Variants in PPP2R3A observed in about 807,000 individuals in gnomAD.
PPP2R3A encodes the protein serine/threonine-protein phosphatase 2A regulatory subunit B'' subunit alpha.
Under a neutral mutation model 106.9 loss-of-function variants are expected in PPP2R3A, and 80 were observed. The ratio of observed to expected loss-of-function variants is 0.75; its 90% confidence interval spans 0.62 to 0.90. The LOEUF is 0.90. PPP2R3A is among the 40% of genes least tolerant of loss of function. The probability of loss-of-function intolerance (pLI) is 0.00; values close to 1 mark genes in which losing one functional copy is unlikely to be tolerated. For synonymous variants in PPP2R3A, 483 were observed against 468.3 expected, an observed-to-expected ratio of 1.03 and a Z score of -0.41; for missense variants, 1,386 against 1,350.4, an observed-to-expected ratio of 1.03 and a Z score of -0.41.
At chr3:135,979,310 C>A (rs909899589) in intron 1 of PPP2R3A, among the ~76,000 whole-genome samples, 1 of 150,746 alleles carries the variant, frequency 6.6e-6, no homozygotes, top group Non-Finnish European at 1.5e-5. Flanking sequence ...ACTCAGGAGG[C>A]GGAGGTTGCG....
chr3:136,104,151 A>T, intron 12 of PPP2R3A, among the ~76,000 whole-genome samples: 1 of 152,198 alleles, frequency 6.6e-6, no homozygotes, highest in East Asian at 1.9e-4. Context: ...ATCACCTTCT[A>T]AATAAGATAA....
chr3:136,064,954 C>A (rs111862778), intron 5 of PPP2R3A, among the ~76,000 whole-genome samples: 1 of 151,654 alleles, frequency 6.6e-6, no homozygotes. Context: ...GGTTGTAGAA[C>A]AGTATGAAAA....
chr3:136,101,883 T>G lies in PPP2R3A; in HGVS notation c.2928-124T>G, dbSNP rs570637567. 9 of 1,073,314 alleles carry G rather than the reference T, an allele frequency of 8.4e-6. No homozygotes were observed. The South Asian group carries it at 1.9e-4, about 23-fold the overall frequency. The allele number at this position is 1,073,314 out of a possible 1,614,324, so 66.5% of individuals were successfully genotyped here. Reference sequence around the variant, plus strand: ...CCGCCATTTTCTCTAACAAACTTTGTAAAACTATATCTAAGCCTGAAGTGT... The same window carrying G: ...CCGCCATTTTCTCTAACAAACTTTGGAAAACTATATCTAAGCCTGAAGTGT... On this transcript the variant is annotated intron_variant, in intron 10 of 13. Coordinates refer to ENST00000264977, the MANE Select transcript of PPP2R3A (RefSeq NM_002718.5).
Position 136,070,478 on chromosome 3 carries a change from G to A in PPP2R3A, c.2470G>A (p.Asp824Asn). 1.3e-6 allele frequency: 2 copies of A among 1,595,230 alleles called. No homozygotes were observed. Among genetic ancestry groups the A allele is most frequent in the Non-Finnish European group, 1.7e-6 (2 of 1,173,706 alleles). The change falls in exon 6 of 14, where the codon GAT (aspartate) becomes AAT (asparagine). Residue 824 changes from aspartate to asparagine, a missense_variant and splice_region_variant. Physicochemically the swap from Asp to Asn is conservative, Grantham distance 23. Transcript: ENST00000264977. ...TAGTTTTGGTTTTGATCTTTTTCAG[G>A]ATGTGGTGGATACCCACCCTGGTCT... ...EQEDFIPLLQDVVDTHPGLTF... is the reference protein window; with the variant it reads ...EQEDFIPLLQNVVDTHPGLTF...
At chr3:136,027,390 T>C (rs1367863224) in intron 3 of PPP2R3A, among the ~76,000 whole-genome samples, 1 of 152,104 alleles carries the variant, frequency 6.6e-6, no homozygotes. Context: ...CAAATACTTG[T>C]TTGTTAGAAA....
At position 136,083,590 on chromosome 3, in the gene PPP2R3A, A is replaced by T. The variant is rs140358765; in HGVS notation, c.2788+1169A>T. On this transcript the variant is annotated intron_variant, in intron 8 of 13. Transcript: ENST00000264977. ...AATATAGTAAATTGGTACCAGTAGC[A>T]TGGGGCGCTGCTGTAAAGATACCCG... Among the ~76,000 whole-genome samples, 423 of 152,348 alleles carry T rather than the reference A, an allele frequency of 2.8e-3. 2 individuals carry two copies. Among genetic ancestry groups the T allele is most frequent in the Non-Finnish European group, 4.4e-3 (300 of 68,028 alleles).
rs985767491 is a variant in PPP2R3A, at chr3:136,147,891, T to C, written c.*2725T>C. 2 of 152,362 alleles carry C rather than the reference T, an allele frequency of 1.3e-5. No individual in the cohort carries two copies. Among genetic ancestry groups the C allele is most frequent in the African/African-American group, 2.4e-5 (1 of 41,578 alleles). The allele number at this position is 152,362 out of a possible 1,614,324, so 9.4% of individuals were successfully genotyped here. A position where few individuals can be genotyped will look rare whatever the true frequency, so the allele number is the denominator to read the frequency against. The stretch of plus-strand genomic sequence containing the variant: ...CAAAACTAAATAAAGTTGTCAAATA[T>C]GAATCATGTTCATTAAGGTAATTAC... On this transcript the variant is annotated 3_prime_UTR_variant, in exon 14 of 14. Coordinates refer to ENST00000264977, the MANE Select transcript of PPP2R3A (RefSeq NM_002718.5).
chr3:136,029,871 C>CT (rs924769751), intron 3 of PPP2R3A, among the ~76,000 whole-genome samples: 1 of 152,154 alleles, frequency 6.6e-6, no homozygotes, highest in African/African-American at 2.4e-5. Context: ...GCAAAGTAAA[C>CT]TGCACATACC....
chr3:136,108,931 A>G (rs1216703648), intron 13 of PPP2R3A, among the ~76,000 whole-genome samples: 5 of 152,192 alleles, frequency 3.3e-5, no homozygotes, highest in Admixed American at 6.5e-5. Flanking sequence ...GAGATTATAT[A>G]GTACCCAGGA....
chr3:135,991,728 T>C (rs981183146), intron 1 of PPP2R3A, among the ~76,000 whole-genome samples: 1 of 152,198 alleles, frequency 6.6e-6, no homozygotes, highest in African/African-American at 2.4e-5. Flanking sequence ...ATAAAATCCC[T>C]GTGAGGGAAG....
intron 8 of PPP2R3A, among the ~76,000 whole-genome samples, chr3:136,084,062 A>T (rs1175577132): frequency 6.6e-6 from 1 of 152,236 alleles, no homozygotes; most frequent in Non-Finnish European, 1.5e-5. Context: ...ATTTGCATAA[A>T]TAATGGGGAG....
At chr3:136,112,823 G>GA (rs138340301) in intron 13 of PPP2R3A, among the ~76,000 whole-genome samples, 3 of 152,128 alleles carry the variant, frequency 2.0e-5, no homozygotes, top group South Asian at 2.1e-4. Context: ...CAAAGAATTT[G>GA]AAAAAAACTA....
chr3:136,093,415 AAG>A (rs549242608), intron 10 of PPP2R3A, among the ~76,000 whole-genome samples: 34 of 152,370 alleles, frequency 2.2e-4, no homozygotes, highest in African/African-American at 7.2e-4. Context: ...TCTCAAAAAA[AAG>A]AAAAAATTAA....
At chr3:136,107,579 A>G (rs546541871) in intron 13 of PPP2R3A, among the ~76,000 whole-genome samples, 51 of 152,174 alleles carry the variant, frequency 3.4e-4, no homozygotes, top group African/African-American at 1.1e-3. Context: ...GATAAAGTCA[A>G]ATAGTCCTCA....
chr3:136,110,024 A>G (rs571469853), intron 13 of PPP2R3A, among the ~76,000 whole-genome samples: 3 of 152,236 alleles, frequency 2.0e-5, no homozygotes, highest in South Asian at 2.1e-4. Context: ...AGCCCTGACT[A>G]TGGAGCTTGG....
intron 13 of PPP2R3A, 24 bp from the exon 14 acceptor site, chr3:136,145,019 T>C: frequency 1.9e-6 from 3 of 1,602,090 alleles, no homozygotes; most frequent in Non-Finnish European, 2.6e-6. Flanking sequence ...AATCAGTTAA[T>C]TCACTTTTGC....
In PPP2R3A at chr3:136,002,192, T is replaced by G. The variant is rs1341307031; in HGVS notation, c.694T>G (p.Cys232Gly). The change falls in exon 2 of 14, where the codon TGC (cysteine) becomes GGC (glycine). Residue 232 changes from cysteine to glycine, a missense_variant. Cys to Gly is a radical substitution (Grantham distance 159). Transcript: ENST00000264977. The stretch of plus-strand genomic sequence containing the variant: ...TTCTTCTGGGACAGACATAAAGATG[T>G]GCTTGGACATCTTATTGAAATGCTC... Reference protein sequence around the residue: ...NFSSGTDIKMCLDILLKCSED... With the variant: ...NFSSGTDIKMGLDILLKCSED... 6.2e-7 allele frequency: 1 copy of G among 1,613,484 alleles called. No homozygotes were observed. The highest frequency in any genetic ancestry group is 1.1e-5 in the South Asian group (1 of 90,940).
At chr3:136,055,408 T>A (rs1295890868) in intron 5 of PPP2R3A, 132 of 1,001,676 alleles carry the variant, frequency 1.3e-4, no homozygotes, top group Non-Finnish European at 7.2e-5. Flanking sequence ...TATCCCCTGT[T>A]GCTCTCCGAG....
At chr3:136,029,561 G>A (rs903682455) in intron 3 of PPP2R3A, among the ~76,000 whole-genome samples, 5 of 152,186 alleles carry the variant, frequency 3.3e-5, no homozygotes, top group African/African-American at 1.2e-4. Context: ...GAACGACTTT[G>A]CCATTTATGT....
Sources: gnomAD v4.1 joint callset for allele counts (sites outside exome capture counted in the v4.1 genomes callset) on GRCh38, gnomAD v4.1.1 for gene constraint, MANE v1.5 for transcripts, NCBI Gene and HGNC (gene_info 2026-07-23, HGNC 2026-07-21) for gene names.